ABHD2: variants seen among roughly 807,000 people sequenced by gnomAD.
The protein encoded by ABHD2 is monoacylglycerol lipase ABHD2.
In ABHD2, 20 loss-of-function variants were observed where a neutral mutation model predicts 48.1. The ratio of observed to expected loss-of-function variants is 0.42; its 90% CI spans 0.29 to 0.60. The LOEUF is 0.60. ABHD2 is among the 20% of genes least tolerant of loss of function. The pLI is 0.24. For synonymous variants in ABHD2, 209 were observed against 214.2 expected (o/e 0.98, Z 0.21); for missense variants, 405 against 550.9 (o/e 0.74, Z 2.65).
At chr15:89,142,546 A>T (rs917778186) in intron 3 of ABHD2, among the ~76,000 whole-genome samples, 1 of 152,182 alleles carries the variant, frequency 6.6e-6, no homozygotes, top group Non-Finnish European at 1.5e-5. Flanking sequence ...TTGCAGCTAA[A>T]TTAGAGCACG....
At chr15:89,193,920 C>CA (rs60255237) in intron 10 of ABHD2, among the ~76,000 whole-genome samples, 1,861 of 103,318 alleles carry the variant, frequency 0.018, 57 homozygotes, top group African/African-American at 0.061. Context: ...GACTCCGTCT[C>CA]AAAAAAAAAA....
chr15:89,158,928 T>A (rs1485891095), intron 5 of ABHD2, among the ~76,000 whole-genome samples: 1 of 151,880 alleles, frequency 6.6e-6, no homozygotes, highest in Non-Finnish European at 1.5e-5. Flanking sequence ...CCTCCCAAAG[T>A]GCTGGGATTA....
At position 89,094,638 on chromosome 15, in the gene ABHD2, G is replaced by T. The variant is rs2049582633; in HGVS notation, c.-107+6075G>T. Among the ~76,000 whole-genome samples the T allele has an allele frequency of 6.6e-6, 1 of 152,094 alleles. No homozygotes were observed. Among genetic ancestry groups the T allele is most frequent in the Non-Finnish European group, 1.5e-5 (1 of 68,022 alleles). On this transcript the variant is annotated intron_variant, in intron 1 of 10. Coordinates refer to ENST00000352732, the MANE Select transcript of ABHD2 (RefSeq NM_152924.5). This position sits in a 1 kb window ranked among gnomAD's most constrained non-coding sequence, Gnocchi z 4.7. The stretch of plus-strand genomic sequence containing the variant: ...CAGGAGAATCACTTGAACCCAGGAG[G>T]CAGAGGCTGCCGTGAGCCAAGATCG...
At position 89,102,865 on chromosome 15, in the gene ABHD2, G is replaced by A. The variant is rs547039946; in HGVS notation, c.-106-10860G>A. ...TTGCACAAAAACCCAAAGGAAGAAG[G>A]CTGCTGGTAGGCTAGGGGTGGCAGG... is the stretch of plus-strand genomic sequence containing the variant. On this transcript the variant is annotated intron_variant, in intron 1 of 10. Coordinates refer to ENST00000352732, the MANE Select transcript of ABHD2 (RefSeq NM_152924.5). The surrounding 1 kb of genome is among the most constrained non-coding windows in gnomAD (Gnocchi z 4.8). 1.2e-4 allele frequency among the ~76,000 whole-genome samples: 18 copies of A among 152,382 alleles called. No individual in the cohort carries two copies. Among genetic ancestry groups the A allele is most frequent in the Admixed American group, 2.0e-4 (3 of 15,310 alleles).
chr15:89,143,510 A>T (rs926230967), intron 3 of ABHD2, among the ~76,000 whole-genome samples: 2 of 152,180 alleles, frequency 1.3e-5, no homozygotes, highest in African/African-American at 4.8e-5. Context: ...TGTACTAAAA[A>T]TACAAAATTA....
At chr15:89,076,323 T>C in the ABHD2 span, among the ~76,000 whole-genome samples, 1 of 152,240 alleles carries the variant, frequency 6.6e-6, no homozygotes, top group Admixed American at 6.5e-5. Flanking sequence ...ACTCGTATCC[T>C]CATTCTTGTG....
At chr15:89,142,304 G>T (rs2050416288) in intron 3 of ABHD2, among the ~76,000 whole-genome samples, 1 of 152,208 alleles carries the variant, frequency 6.6e-6, no homozygotes, top group Non-Finnish European at 1.5e-5. Context: ...TAAAATAGCA[G>T]TTTTATTTAT....
the ABHD2 span, among the ~76,000 whole-genome samples, chr15:89,042,133 T>C: frequency 2.0e-5 from 3 of 152,218 alleles, no homozygotes; most frequent in South Asian, 6.2e-4. Flanking sequence ...ACCAGTACAT[T>C]ATTGTCTCCA....
At chr15:89,193,920 C>CAA (rs60255237) in intron 10 of ABHD2, among the ~76,000 whole-genome samples, 8 of 103,350 alleles carry the variant, frequency 7.7e-5, no homozygotes, top group East Asian at 2.8e-4. Context: ...GACTCCGTCT[C>CAA]AAAAAAAAAA....
At chr15:89,081,857 T>A in the ABHD2 span, among the ~76,000 whole-genome samples, 1 of 152,224 alleles carries the variant, frequency 6.6e-6, no homozygotes, top group East Asian at 1.9e-4. Context: ...TCTCAAAAAA[T>A]TAATAAATAA....
At chr15:89,170,080 C>CATTTTTTT (rs2050898372) in intron 5 of ABHD2, among the ~76,000 whole-genome samples, 1 of 37,484 alleles carries the variant, frequency 2.7e-5, no homozygotes, top group Non-Finnish European at 5.4e-5. Context: ...AGATCAGATT[C>CATTTTTTT]TTTTTTTTTT....
At chr15:89,058,630 G>A in the ABHD2 span, among the ~76,000 whole-genome samples, 1 of 152,086 alleles carries the variant, frequency 6.6e-6, no homozygotes, top group Non-Finnish European at 1.5e-5. Flanking sequence ...CCATCCCTCA[G>A]GAGTGCCCCT....
chr15:89,063,655 A>G, the ABHD2 span, among the ~76,000 whole-genome samples: 3 of 152,146 alleles, frequency 2.0e-5, no homozygotes, highest in Non-Finnish European at 4.4e-5. Flanking sequence ...AACAAAATTT[A>G]CCATTTTAAG....
At chr15:89,132,331 G>A (rs1308255046) in intron 3 of ABHD2, among the ~76,000 whole-genome samples, 1 of 152,052 alleles carries the variant, frequency 6.6e-6, no homozygotes, top group African/African-American at 2.4e-5. Context: ...CCATAGAAGG[G>A]GCTAAATAAA....
At chr15:89,162,168 G>A (rs1053291173) in intron 5 of ABHD2, among the ~76,000 whole-genome samples, 1 of 152,110 alleles carries the variant, frequency 6.6e-6, no homozygotes, top group African/African-American at 2.4e-5. Context: ...TATGAATCTT[G>A]GGAGAGACAC....
chr15:89,066,445 C>A, the ABHD2 span, among the ~76,000 whole-genome samples: 1 of 152,162 alleles, frequency 6.6e-6, no homozygotes, highest in Non-Finnish European at 1.5e-5. Context: ...GCCTTAGGGC[C>A]TACCTTAATC....
At chr15:89,112,036 G>T (rs1359980348) in intron 1 of ABHD2, among the ~76,000 whole-genome samples, 1 of 151,970 alleles carries the variant, frequency 6.6e-6, no homozygotes, top group Non-Finnish European at 1.5e-5. Context: ...TTCTCCAAAG[G>T]TTGCATATTC....
chr15:89,144,426 C>T (rs2050459169), intron 3 of ABHD2, among the ~76,000 whole-genome samples: 1 of 152,212 alleles, frequency 6.6e-6, no homozygotes. Context: ...AGCCACCACA[C>T]CGGGCCTACC....
the ABHD2 span, among the ~76,000 whole-genome samples, chr15:89,056,508 T>C: frequency 6.6e-6 from 1 of 152,058 alleles, no homozygotes; most frequent in African/African-American, 2.4e-5. Flanking sequence ...CCAGGCATGG[T>C]GGCAGGTGCC....
Sources: allele counts gnomAD v4.1 joint callset (sites outside exome capture counted in the v4.1 genomes callset), GRCh38; gene constraint gnomAD v4.1.1; non-coding constraint Gnocchi (gnomAD v3.1); transcripts MANE v1.5; gene names NCBI Gene and HGNC (gene_info 2026-07-23, HGNC 2026-07-21).